RPS6KC1: variants seen among roughly 807,000 people sequenced by gnomAD.
The protein encoded by RPS6KC1 is inactive ribosomal protein S6 kinase delta-1.
Under a neutral mutation model 103.8 loss-of-function variants are expected in RPS6KC1, and 54 were observed. The ratio of observed to expected loss-of-function variants is 0.52; its 90% CI spans 0.42 to 0.65. The LOEUF is 0.65. Among genes scored for constraint, RPS6KC1 ranks in the 30% least tolerant of loss-of-function variants. The pLI, the probability that RPS6KC1 is intolerant of heterozygous loss-of-function variation, is 0.00. For missense variants in RPS6KC1, 1,151 were observed against 1,253.8 expected, an observed-to-expected ratio of 0.92 and a Z score of 1.24; for synonymous variants, 439 against 438.7, an observed-to-expected ratio of 1.00 and a Z score of -0.01.
At chr1:213,704,183 C>T in the RPS6KC1 span, among the ~76,000 whole-genome samples, 4 of 151,284 alleles carry the variant, frequency 2.6e-5, no homozygotes, top group African/African-American at 7.3e-5. Context: ...GTCAGGAGAT[C>T]GAGACCATCC....
intron 8 of RPS6KC1, among the ~76,000 whole-genome samples, chr1:213,226,336 A>G (rs2093962629): frequency 6.6e-6 from 1 of 152,146 alleles, no homozygotes; most frequent in Admixed American, 6.6e-5. Context: ...TCTCCTTTGC[A>G]GAAGGAAGGC....
the RPS6KC1 span, among the ~76,000 whole-genome samples, chr1:213,526,042 G>A: frequency 6.6e-6 from 1 of 152,122 alleles, no homozygotes; most frequent in African/African-American, 2.4e-5. Flanking sequence ...AGATAATATG[G>A]CATGCTTGAT....
the RPS6KC1 span, among the ~76,000 whole-genome samples, chr1:213,474,352 G>A: frequency 2.0e-5 from 3 of 151,568 alleles, no homozygotes; most frequent in Non-Finnish European, 4.4e-5. Context: ...TGGTTTCTGA[G>A]GGTGGACACA....
intron 6 of RPS6KC1, among the ~76,000 whole-genome samples, chr1:213,133,738 A>G (rs941307764): frequency 6.6e-6 from 1 of 152,148 alleles, no homozygotes; most frequent in Admixed American, 6.5e-5. Context: ...AGGTGGAGAA[A>G]ACTAAGACTT....
the RPS6KC1 span, among the ~76,000 whole-genome samples, chr1:213,463,522 A>G: frequency 6.6e-6 from 1 of 152,146 alleles, no homozygotes. Flanking sequence ...AAACCATAGT[A>G]CTGAAAGCTT....
chr1:213,245,198 A>G (rs2094434848), intron 12 of RPS6KC1, among the ~76,000 whole-genome samples: 1 of 152,178 alleles, frequency 6.6e-6, no homozygotes, highest in Admixed American at 6.5e-5. Flanking sequence ...CTACTGATAA[A>G]TCAAAACTAC....
chr1:213,616,717 A>G, the RPS6KC1 span, among the ~76,000 whole-genome samples: 1 of 152,196 alleles, frequency 6.6e-6, no homozygotes, highest in South Asian at 2.1e-4. Flanking sequence ...CAACAGGTAT[A>G]CATACTATAG....
chr1:213,577,870 T>C, the RPS6KC1 span, among the ~76,000 whole-genome samples: 3 of 152,224 alleles, frequency 2.0e-5, no homozygotes, highest in African/African-American at 4.8e-5. Context: ...AGCCTGATGA[T>C]GTAAAAATCC....
chr1:213,214,810 G>T lies in RPS6KC1; in HGVS notation c.1045-15687G>T, dbSNP rs150382449. On this transcript the variant is annotated intron_variant, in intron 8 of 14. Transcript: ENST00000366960. ...GCAAACTCCAAACGGACCTGCAGCT[G>T]AGGGTCCTGACTGTTAGAATGAAAA... 1.2e-3 allele frequency among the ~76,000 whole-genome samples: 187 copies of T among 152,326 alleles called. 4 individuals are homozygous for T. In the East Asian group the frequency reaches 0.033, roughly 27 times the overall value.
chr1:213,684,283 A>G, the RPS6KC1 span, among the ~76,000 whole-genome samples: 1 of 152,170 alleles, frequency 6.6e-6, no homozygotes. Flanking sequence ...TTTTGTTATT[A>G]CTATTATTTA....
chr1:213,750,192 C>T, the RPS6KC1 span, among the ~76,000 whole-genome samples: 2 of 152,194 alleles, frequency 1.3e-5, no homozygotes, highest in African/African-American at 2.4e-5. Context: ...GTCATGGTTA[C>T]AAGGAACCAC....
chr1:213,712,507 T>C, the RPS6KC1 span, among the ~76,000 whole-genome samples: 1 of 152,186 alleles, frequency 6.6e-6, no homozygotes, highest in Non-Finnish European at 1.5e-5. Context: ...TTCAGCCCCC[T>C]TTCCAGGGGA....
the RPS6KC1 span, among the ~76,000 whole-genome samples, chr1:213,689,979 G>A: frequency 1.3e-5 from 2 of 152,216 alleles, no homozygotes; most frequent in East Asian, 3.9e-4. Context: ...CTCTGCTCCA[G>A]CTCCACATTT....
rs147415783 is a variant in RPS6KC1, at chr1:213,234,091, T to C, written c.1225+1836T>C. ...AGGTTAGAGTGCTATGGTACAATCATAGCTCACTGTAACCTTGAACTCTTG... is the reference window on the plus strand; with the variant it reads ...AGGTTAGAGTGCTATGGTACAATCACAGCTCACTGTAACCTTGAACTCTTG... On this transcript the variant is annotated intron_variant, in intron 10 of 14. Transcript: ENST00000366960. Among the ~76,000 whole-genome samples the C allele has an allele frequency of 1.3e-4, 20 of 151,316 alleles. No individual in the cohort carries two copies. In the East Asian group the frequency reaches 3.7e-3, roughly 28 times the overall value.
the RPS6KC1 span, among the ~76,000 whole-genome samples, chr1:213,509,957 C>T: frequency 6.6e-6 from 1 of 152,322 alleles, no homozygotes; most frequent in African/African-American, 2.4e-5. Context: ...ATTTATCAAA[C>T]AGCAAGATAT....
chr1:213,714,663 C>G, the RPS6KC1 span, among the ~76,000 whole-genome samples: 2 of 152,234 alleles, frequency 1.3e-5, no homozygotes, highest in African/African-American at 4.8e-5. Context: ...AATCCGTCCT[C>G]TGACCAATGC....
the RPS6KC1 span, among the ~76,000 whole-genome samples, chr1:213,609,474 C>T: frequency 6.6e-6 from 1 of 152,246 alleles, no homozygotes; most frequent in African/African-American, 2.4e-5. Context: ...CAAACAGCCC[C>T]TTCTTGGCTA....
chr1:213,562,359 G>GTTTTTTTTTTTT, the RPS6KC1 span, among the ~76,000 whole-genome samples: 3 of 36,302 alleles, frequency 8.3e-5, 1 homozygote, highest in African/African-American at 3.5e-4. Context: ...GAAAAGTTCT[G>GTTTTTTTTTTTT]TTTTTTTTTT....
Position 213,154,513 on chromosome 1 carries a change from A to C in RPS6KC1, c.836-13345A>C, listed in dbSNP as rs1405256684. Among the ~76,000 whole-genome samples the C allele has an allele frequency of 2.0e-5, 3 of 152,196 alleles. No homozygotes were observed. The East Asian group carries it at 5.8e-4, about 29-fold the overall frequency. ...TTCCTTCCCTTTTCTGAAGGCAGAC[A>C]AGCCTTACCCCATAGCCACTCACCC... On this transcript the variant is annotated intron_variant, in intron 6 of 14. Coordinates refer to ENST00000366960, the MANE Select transcript of RPS6KC1 (RefSeq NM_012424.6).
Sources: gnomAD v4.1 joint callset for allele counts (sites outside exome capture counted in the v4.1 genomes callset) on GRCh38, gnomAD v4.1.1 for gene constraint, MANE v1.5 for transcripts, NCBI Gene and HGNC (gene_info 2026-07-23, HGNC 2026-07-21) for gene names.